Variants in ZSWIM6 observed in about 807,000 individuals in gnomAD.
The protein encoded by ZSWIM6 is zinc finger SWIM-type containing 6, also known as zinc finger SWIM domain-containing protein 6.
In ZSWIM6, 9 loss-of-function variants were observed where a neutral mutation model predicts 113.2. The observed-to-expected ratio is 0.08, with a 90% CI of 0.05 to 0.14. ZSWIM6 has a LOEUF of 0.14. ZSWIM6 is among the 10% of genes least tolerant of loss of function. The pLI is 1.00. For missense variants in ZSWIM6, 1,162 were observed against 1,552.2 expected (o/e 0.75, Z 4.22); for synonymous variants, 611 against 606.5 (o/e 1.01, Z -0.11).
intron 1 of ZSWIM6, among the ~76,000 whole-genome samples, chr5:61,433,477 T>TG (rs1485412992): frequency 6.7e-6 from 1 of 149,236 alleles, no homozygotes; most frequent in Non-Finnish European, 1.5e-5. Flanking sequence ...ACTTAGTTGT[T>TG]TTTTTTTTTT....
In ZSWIM6 at chr5:61,525,930, C is replaced by T; in HGVS notation, c.1644C>T (p.Asp548=). The change falls in exon 6 of 14, where the codon GAC becomes GAT. Residue 548 remains aspartate, a synonymous_variant. Transcript: ENST00000252744. The part of the protein sequence containing the change: ...DLYTNYCYHD[D]TENSLFDSRG... ...ACACCAACTACTGTTACCATGACGA[C>T]ACTGAAAACTCCCTCTTCGACTCCC... 6.4e-7 allele frequency: 1 copy of T among 1,552,210 alleles called. No homozygotes were observed. Among genetic ancestry groups the T allele is most frequent in the Non-Finnish European group, 8.7e-7 (1 of 1,147,066 alleles).
At chr5:61,468,392 T>C (rs1747485456) in intron 1 of ZSWIM6, among the ~76,000 whole-genome samples, 1 of 152,250 alleles carries the variant, frequency 6.6e-6, no homozygotes, top group Non-Finnish European at 1.5e-5. Flanking sequence ...CTTTCACAGA[T>C]TATGTTTTAT....
At chr5:61,357,643 C>G (rs1318244312) in intron 1 of ZSWIM6, among the ~76,000 whole-genome samples, 5 of 151,714 alleles carry the variant, frequency 3.3e-5, no homozygotes, top group Non-Finnish European at 7.4e-5. Flanking sequence ...CAGAGTGTAT[C>G]TGTGGGTAAA....
intron 1 of ZSWIM6, among the ~76,000 whole-genome samples, chr5:61,427,483 AT>A (rs889242664): frequency 6.6e-6 from 1 of 151,534 alleles, no homozygotes; most frequent in Admixed American, 6.6e-5. Context: ...TCCCCCAGAT[AT>A]TTTTTTTCTT....
At chr5:61,337,888 G>A (rs2112022267) in intron 1 of ZSWIM6, among the ~76,000 whole-genome samples, 1 of 152,076 alleles carries the variant, frequency 6.6e-6, no homozygotes, top group South Asian at 2.1e-4. Flanking sequence ...AAAACTAGAG[G>A]CATATATTTT....
chr5:61,370,667 G>A (rs757424301), intron 1 of ZSWIM6, among the ~76,000 whole-genome samples: 2 of 152,124 alleles, frequency 1.3e-5, no homozygotes, highest in African/African-American at 2.4e-5. Context: ...ATTTTCTTTC[G>A]CCTTTAATAT....
intron 1 of ZSWIM6, among the ~76,000 whole-genome samples, chr5:61,385,708 C>T (rs1013292437): frequency 1.3e-5 from 2 of 152,246 alleles, no homozygotes; most frequent in African/African-American, 4.8e-5. Flanking sequence ...GCGTAGTTTA[C>T]TTGGCTTCTT....
intron 1 of ZSWIM6, among the ~76,000 whole-genome samples, chr5:61,386,234 C>T (rs1170336922): frequency 6.6e-6 from 1 of 152,200 alleles, no homozygotes; most frequent in Non-Finnish European, 1.5e-5. Context: ...TTTGGTTTAT[C>T]CCCAGTGCAT....
In ZSWIM6 at chr5:61,514,760, A is replaced by G. The variant is rs1395511207; in HGVS notation, c.1334-6503A>G. On this transcript the variant is annotated intron_variant, in intron 4 of 13. Transcript: ENST00000252744. ...TATTTTCCTTTTCTGATATTGCTTA[A>G]TTAGATTTGCTAATATTTTTGTGGA... Among the ~76,000 whole-genome samples the G allele has an allele frequency of 3.9e-5, 6 of 152,154 alleles. No individual in the cohort carries two copies. The East Asian group carries it at 1.2e-3, about 29-fold the overall frequency.
At chr5:61,435,023 GT>G (rs753728168) in intron 1 of ZSWIM6, among the ~76,000 whole-genome samples, 4 of 152,202 alleles carry the variant, frequency 2.6e-5, no homozygotes, top group Non-Finnish European at 5.9e-5. Context: ...AAAGACCCTT[GT>G]ACTGGAAACC....
intron 2 of ZSWIM6, among the ~76,000 whole-genome samples, chr5:61,475,244 A>G (rs1374124784): frequency 6.6e-6 from 1 of 152,000 alleles, no homozygotes; most frequent in Non-Finnish European, 1.5e-5. Flanking sequence ...TGCTAGCATC[A>G]CTTTGTTCTC....
chr5:61,437,543 C>G (rs1474865794), intron 1 of ZSWIM6, among the ~76,000 whole-genome samples: 1 of 151,798 alleles, frequency 6.6e-6, no homozygotes, highest in Non-Finnish European at 1.5e-5. Flanking sequence ...CGCAACATGG[C>G]AAAACCTGGT....
chr5:61,463,988 ATCTTT>A (rs1019389552), intron 1 of ZSWIM6, among the ~76,000 whole-genome samples: 9 of 151,294 alleles, frequency 5.9e-5, no homozygotes, highest in African/African-American at 1.2e-4. Flanking sequence ...TCCTTCATCT[ATCTTT>A]TCTTTTCTTT....
intron 1 of ZSWIM6, among the ~76,000 whole-genome samples, chr5:61,410,372 C>T (rs1465203375): frequency 1.2e-4 from 17 of 144,168 alleles, no homozygotes; most frequent in African/African-American, 2.6e-4. Context: ...TGCAGTGGTG[C>T]GATCTCGGCT....
At chr5:61,437,734 A>G (rs1313192232) in intron 1 of ZSWIM6, among the ~76,000 whole-genome samples, 2 of 151,492 alleles carry the variant, frequency 1.3e-5, no homozygotes, top group African/African-American at 4.8e-5. Flanking sequence ...AAAAAAAAAA[A>G]AAAAAGAAAT....
At chr5:61,374,731 T>A (rs1223031141) in intron 1 of ZSWIM6, among the ~76,000 whole-genome samples, 3 of 151,900 alleles carry the variant, frequency 2.0e-5, no homozygotes, top group African/African-American at 7.3e-5. Context: ...TTTTTTTGTA[T>A]TTTTTAGTAG....
chr5:61,431,122 A>G (rs1296625368), intron 1 of ZSWIM6, among the ~76,000 whole-genome samples: 1 of 152,144 alleles, frequency 6.6e-6, no homozygotes, highest in African/African-American at 2.4e-5. Flanking sequence ...CTGTAATCCC[A>G]GCACTTTGGG....
In ZSWIM6 at chr5:61,544,499, T is replaced by G; in HGVS notation, c.*182T>G. The G allele has an allele frequency of 2.9e-6, 1 of 344,098 alleles. No individual in the cohort carries two copies. Among genetic ancestry groups the G allele is most frequent in the Non-Finnish European group, 5.2e-6 (1 of 192,940 alleles). 21.3% of individuals were successfully genotyped at this position (344,098 alleles called of 1,614,324 possible). On this transcript the variant is annotated 3_prime_UTR_variant, in exon 14 of 14. Coordinates refer to ENST00000252744, the MANE Select transcript of ZSWIM6 (RefSeq NM_020928.2). ...TGAAAGTTTGTGTGTTTTTTATTTT[T>G]TCCCTATTTCTTTCTTTCCTTTATT...
intron 9 of ZSWIM6, 71 bp downstream of exon 9, chr5:61,531,796 A>G (rs1028438299): frequency 6.7e-7 from 1 of 1,497,826 alleles, no homozygotes. Context: ...TTATGTTAAA[A>G]GTGCTATCTG....
Sources: gnomAD v4.1 joint callset for allele counts (sites outside exome capture counted in the v4.1 genomes callset) on GRCh38, gnomAD v4.1.1 for gene constraint, MANE v1.5 for transcripts, NCBI Gene and HGNC (gene_info 2026-07-23, HGNC 2026-07-21) for gene names.